The following PRSS54 variants were observed in gnomAD, a reference collection of about 807,000 sequenced individuals.
The protein encoded by PRSS54 is inactive serine protease 54.
In PRSS54, 16 loss-of-function variants were observed where a neutral mutation model predicts 19.9. The observed-to-expected ratio is 0.80, with a 90% CI of 0.54 to 1.22. The LOEUF is 1.22. Among genes scored for constraint, PRSS54 ranks in the 50% most tolerant of loss-of-function variants. The pLI, the probability that PRSS54 is intolerant of heterozygous loss-of-function variation, is 0.00. For missense variants in PRSS54, 444 were observed against 494.8 expected (o/e 0.90, Z 0.97); for synonymous variants, 177 against 195.8 (o/e 0.90, Z 0.80).
chr16:58,280,418 T>C lies in PRSS54; in HGVS notation c.994A>G (p.Ser332Gly), dbSNP rs1482556179. 1.2e-6 allele frequency: 2 copies of C among 1,613,864 alleles called. No homozygotes were observed. Among genetic ancestry groups the C allele is most frequent in the South Asian group, 1.1e-5 (1 of 91,070 alleles). ...ACATCCTTCTCCCTAACATCTAGAC[T>C]ATCTCTAGAGCTGTTTCCTAGTCGT... Reference protein sequence around the residue: ...HSRLGNSSRDSLDVREKDVKE... With the variant: ...HSRLGNSSRDGLDVREKDVKE... Residue 332 changes from serine (S) to glycine (G), a missense_variant, in exon 7 of 7, where the codon AGT (serine) becomes GGT (glycine). Transcript: ENST00000567164.
chr16:58,283,080 C>T (rs1964821290), intron 6 of PRSS54: 1 of 152,280 alleles, frequency 6.6e-6, no homozygotes, highest in African/African-American at 2.4e-5. Flanking sequence ...TGGGGTCTTT[C>T]ATTTTGTGAT....
At chr16:58,285,723 CAA>C (rs1178010291) in intron 5 of PRSS54, among the ~76,000 whole-genome samples, 58 of 78,820 alleles carry the variant, frequency 7.4e-4, no homozygotes, top group South Asian at 2.5e-3. Flanking sequence ...GACCCTGTCT[CAA>C]AAAAAAAAAA....
At chr16:58,283,292 G>A (rs1177673276) in intron 6 of PRSS54, 1 of 152,188 alleles carries the variant, frequency 6.6e-6, no homozygotes, top group Non-Finnish European at 1.5e-5. Flanking sequence ...AGGATTCTAT[G>A]GGGACGGGTC....
At chr16:58,288,329 G>A (rs1254635329) in intron 4 of PRSS54, among the ~76,000 whole-genome samples, 1 of 152,176 alleles carries the variant, frequency 6.6e-6, no homozygotes, top group Non-Finnish European at 1.5e-5. Flanking sequence ...GGGAGGCTGA[G>A]GCAAGAGGAT....
chr16:58,288,830 T>C (rs909452117), intron 4 of PRSS54, among the ~76,000 whole-genome samples: 1 of 152,152 alleles, frequency 6.6e-6, no homozygotes, highest in Non-Finnish European at 1.5e-5. Flanking sequence ...TAGCCCTTTA[T>C]GTACCAATAA....
chr16:58,290,068 A>T lies in PRSS54; in HGVS notation c.263+891T>A, dbSNP rs866638837. On this transcript the variant is annotated intron_variant, in intron 4 of 6. Coordinates refer to ENST00000567164, the MANE Select transcript of PRSS54 (RefSeq NM_001305173.2). Reference sequence around the variant, plus strand: ...ATATGTTACATATGATATTGTATACATAGATATTCCATATACATATATACA... The same window carrying T: ...ATATGTTACATATGATATTGTATACTTAGATATTCCATATACATATATACA... Among the ~76,000 whole-genome samples the T allele has an allele frequency of 2.2e-4, 27 of 122,146 alleles. 1 individual carries two copies. Among genetic ancestry groups the T allele is most frequent in the Non-Finnish European group, 1.2e-4 (7 of 59,056 alleles). The allele number at this position is 122,146 out of a possible 152,430, so 80.1% of individuals were successfully genotyped here. A position where few individuals can be genotyped will look rare whatever the true frequency, so the allele number is the denominator to read the frequency against.
chr16:58,292,104 T>G (rs1965051471), intron 3 of PRSS54, among the ~76,000 whole-genome samples: 1 of 152,150 alleles, frequency 6.6e-6, no homozygotes, highest in South Asian at 2.1e-4. Context: ...AATTTTTCTA[T>G]TTTTAGCAGA....
intron 3 of PRSS54, among the ~76,000 whole-genome samples, chr16:58,293,045 G>T (rs1965069875): frequency 6.6e-6 from 1 of 152,104 alleles, no homozygotes; most frequent in Non-Finnish European, 1.5e-5. Flanking sequence ...GTGCGTGTAT[G>T]TGTGTGCAAG....
chr16:58,293,843 G>C, intron 2 of PRSS54, 21 bp from the exon 3 acceptor site: 1 of 1,595,220 alleles, frequency 6.3e-7, no homozygotes, highest in Non-Finnish European at 8.6e-7. Flanking sequence ...AAAACCCAAT[G>C]ACTCCATCCT....
At chr16:58,291,241 TTTTC>T (rs1169914800) in intron 3 of PRSS54, 105 bp from the exon 4 acceptor site, 6 of 1,034,846 alleles carry the variant, frequency 5.8e-6, no homozygotes, top group Non-Finnish European at 8.3e-6. Context: ...CCGCAACCCC[TTTTC>T]TTTCTTTTGC....
chr16:58,294,012 T>A lies in PRSS54; in HGVS notation c.-34A>T. 1.7e-6 allele frequency: 1 copy of A among 598,950 alleles called. No individual in the cohort carries two copies. Among genetic ancestry groups the A allele is most frequent in the Non-Finnish European group, 3.0e-6 (1 of 335,468 alleles). 37.1% of individuals were successfully genotyped at this position (598,950 alleles called of 1,614,324 possible). On this transcript the variant is annotated 5_prime_UTR_variant, in exon 2 of 7. Coordinates refer to ENST00000567164, the MANE Select transcript of PRSS54 (RefSeq NM_001305173.2). ...GTCTTATCCCTAGTGCTTGGTTCTGTGTGGTAAAGAGGCAGGACCAGTTGG... is the reference window on the plus strand; with the variant it reads ...GTCTTATCCCTAGTGCTTGGTTCTGAGTGGTAAAGAGGCAGGACCAGTTGG...
intron 6 of PRSS54, 99 bp from the exon 7 acceptor site, chr16:58,280,856 G>T: frequency 8.4e-7 from 1 of 1,191,000 alleles, no homozygotes; most frequent in Non-Finnish European, 1.1e-6. Context: ...AATGTTTTAC[G>T]CTGGTTCTCA....
At position 58,280,592 on chromosome 16, in the gene PRSS54, G is replaced by T; in HGVS notation, c.820C>A (p.Pro274Thr). The T allele has an allele frequency of 6.2e-7, 1 of 1,614,192 alleles. No individual in the cohort carries two copies. Among genetic ancestry groups the T allele is most frequent in the Non-Finnish European group, 8.5e-7 (1 of 1,180,042 alleles). ...TCCCAGTGGTGGAGTGAGGACAGGG[G>T]AGGGCCGGCCCTCTCAGCCTTGGAT... Reference protein sequence around the residue: ...ITSKAERAGPPLSSLHHWEKL... With the variant: ...ITSKAERAGPTLSSLHHWEKL... The change falls in exon 7 of 7, where the codon CCC becomes ACC. Residue 274 changes from proline to threonine, a missense_variant. Pro to Thr is a conservative substitution (Grantham distance 38). Coordinates refer to ENST00000567164, the MANE Select transcript of PRSS54 (RefSeq NM_001305173.2).
chr16:58,292,335 T>C (rs932584554), intron 3 of PRSS54, among the ~76,000 whole-genome samples: 1 of 152,046 alleles, frequency 6.6e-6, no homozygotes, highest in Non-Finnish European at 1.5e-5. Context: ...CAGAGTGACA[T>C]GCTGAAGAGT....
At chr16:58,290,615 A>G (rs1965016375) in intron 4 of PRSS54, among the ~76,000 whole-genome samples, 1 of 152,186 alleles carries the variant, frequency 6.6e-6, no homozygotes, top group Admixed American at 6.5e-5. Context: ...TTTTAAGGTA[A>G]GGGCTCCTAT....
intron 6 of PRSS54, 169 bp from the exon 7 acceptor site, chr16:58,280,926 T>C: frequency 4.9e-6 from 3 of 608,590 alleles, no homozygotes; most frequent in Non-Finnish European, 8.4e-6. Context: ...CACCACAAAT[T>C]CCAACAAGAT....
Position 58,280,591 on chromosome 16 carries a change from G to C in PRSS54, c.821C>G (p.Pro274Arg), listed in dbSNP as rs771527375. The C allele has an allele frequency of 3.1e-6, 5 of 1,613,998 alleles. No individual in the cohort carries two copies. Among genetic ancestry groups the C allele is most frequent in the South Asian group, 1.1e-5 (1 of 91,076 alleles). Residue 274 changes from proline (P) to arginine (R), a missense_variant, in exon 7 of 7, where the codon CCC (proline) becomes CGC (arginine). By Grantham distance (103) the Pro-to-Arg change is moderately radical. Coordinates refer to ENST00000567164, the MANE Select transcript of PRSS54 (RefSeq NM_001305173.2). ...ITSKAERAGP[P>R]LSSLHHWEKL... ...TTCCCAGTGGTGGAGTGAGGACAGG[G>C]GAGGGCCGGCCCTCTCAGCCTTGGA...
At chr16:58,287,927 G>A (rs1336030757) in intron 4 of PRSS54, among the ~76,000 whole-genome samples, 2 of 152,196 alleles carry the variant, frequency 1.3e-5, no homozygotes, top group African/African-American at 4.8e-5. Context: ...GACAGATCAA[G>A]TAGACTTCCT....
At chr16:58,292,211 G>A (rs1446032686) in intron 3 of PRSS54, among the ~76,000 whole-genome samples, 1 of 152,202 alleles carries the variant, frequency 6.6e-6, no homozygotes, top group African/African-American at 2.4e-5. Flanking sequence ...TTACAGGAGT[G>A]AGCCACCACA....
Sources: gnomAD v4.1 joint callset for allele counts (sites outside exome capture counted in the v4.1 genomes callset) on GRCh38, gnomAD v4.1.1 for gene constraint, MANE v1.5 for transcripts, NCBI Gene and HGNC (gene_info 2026-07-23, HGNC 2026-07-21) for gene names.